The following GLIS1 variants were observed in gnomAD, a reference collection of about 807,000 sequenced individuals.
GLIS1 encodes GLIS family zinc finger 1.
In GLIS1, 24 loss-of-function variants were observed where a neutral mutation model predicts 63.8. The ratio of observed to expected loss-of-function variants is 0.38; its 90% CI spans 0.27 to 0.53. The LOEUF is 0.53. GLIS1 is among the 20% of genes least tolerant of loss of function. The pLI is 0.85. For missense variants in GLIS1, 1,036 were observed against 1,074.1 expected (o/e 0.96, Z 0.50); for synonymous variants, 450 against 482.5 (o/e 0.93, Z 0.88).
chr1:53,614,837 T>C (rs1479378768), intron 2 of GLIS1, among the ~76,000 whole-genome samples: 1 of 146,102 alleles, frequency 6.8e-6, no homozygotes, highest in Non-Finnish European at 1.5e-5. Flanking sequence ...TTCACACACA[T>C]GCACACACAC....
At chr1:53,557,511 G>C (rs1644846069) in intron 4 of GLIS1, among the ~76,000 whole-genome samples, 1 of 152,152 alleles carries the variant, frequency 6.6e-6, no homozygotes, top group South Asian at 2.1e-4. Context: ...AAGCCTCTTG[G>C]AGGTCTGTAG....
At chr1:53,674,759 T>C (rs898003458) in intron 2 of GLIS1, among the ~76,000 whole-genome samples, 12 of 152,306 alleles carry the variant, frequency 7.9e-5, no homozygotes, top group African/African-American at 2.6e-4. Flanking sequence ...CCCCTGGGAT[T>C]GAGCTGAAGT....
At chr1:53,717,113 G>A in intron 2 of GLIS1, among the ~76,000 whole-genome samples, 1 of 152,174 alleles carries the variant, frequency 6.6e-6, no homozygotes, top group East Asian at 1.9e-4. Context: ...TTCTTAACAG[G>A]ATCCGTCCTG....
At chr1:53,716,419 C>T (rs752377242) in intron 2 of GLIS1, among the ~76,000 whole-genome samples, 1 of 152,022 alleles carries the variant, frequency 6.6e-6, no homozygotes, top group Non-Finnish European at 1.5e-5. Flanking sequence ...CTGACATCCT[C>T]GTATGGCCAG....
At chr1:53,715,561 G>A (rs1646689373) in intron 2 of GLIS1, among the ~76,000 whole-genome samples, 1 of 152,210 alleles carries the variant, frequency 6.6e-6, no homozygotes, top group Admixed American at 6.5e-5. Context: ...ACAGAACACA[G>A]AGAGGCAAGG....
chr1:53,734,944 T>C (rs1469532870), intron 2 of GLIS1, among the ~76,000 whole-genome samples: 1 of 152,224 alleles, frequency 6.6e-6, no homozygotes, highest in African/African-American at 2.4e-5. Context: ...ATCATGATTC[T>C]TATTGTAAAT....
intron 2 of GLIS1, 67 bp downstream of exon 2, chr1:53,737,739 G>A (rs1030815451): frequency 4.9e-6 from 6 of 1,223,256 alleles, no homozygotes; most frequent in Admixed American, 4.2e-5. Context: ...CCGAGCACGC[G>A]GTGGCGACGC....
intron 2 of GLIS1, among the ~76,000 whole-genome samples, chr1:53,693,824 G>C (rs116652617): frequency 6.6e-6 from 1 of 152,174 alleles, no homozygotes; most frequent in Non-Finnish European, 1.5e-5. Flanking sequence ...CCTTTTCATC[G>C]ATCGCTGCCT....
intron 2 of GLIS1, among the ~76,000 whole-genome samples, chr1:53,667,968 C>T (rs1197609211): frequency 6.6e-6 from 1 of 152,174 alleles, no homozygotes; most frequent in East Asian, 1.9e-4. Context: ...ATTACCATTG[C>T]CCTCACAGCC....
Position 53,594,521 on chromosome 1 carries a change from C to A in GLIS1, c.907G>T (p.Asp303Tyr). 1 of 1,612,084 alleles carries A rather than the reference C, an allele frequency of 6.2e-7. No homozygotes were observed. The highest frequency in any genetic ancestry group is 1.1e-5 in the South Asian group (1 of 91,056). ...AGTTGCAAGCTGCCCTCATGGCTGTCCGTCGATGCAGGGCCAGGCCGGGCC... is the reference window on the plus strand; with the variant it reads ...AGTTGCAAGCTGCCCTCATGGCTGTACGTCGATGCAGGGCCAGGCCGGGCC... ...KRARPGPAST[D>Y]SHEGSLQLEA... is the part of the protein sequence containing the mutation. The change falls in exon 4 of 11, where the codon GAC (aspartate) becomes TAC (tyrosine). Residue 303 changes from aspartate (D) to tyrosine (Y), a missense_variant. This residue lies in a region of GLIS1 where 592 missense variants were observed against 593.9 expected (regional missense o/e 1.00). Coordinates refer to ENST00000628545, the MANE Select transcript of GLIS1 (RefSeq NM_001367484.1).
intron 4 of GLIS1, among the ~76,000 whole-genome samples, chr1:53,545,227 C>A (rs536680092): frequency 1.5e-4 from 23 of 152,212 alleles, no homozygotes; most frequent in African/African-American, 5.5e-4. Flanking sequence ...AGCATCAACA[C>A]GGCAGTAACA....
At chr1:53,534,389 T>C (rs749443891) in intron 4 of GLIS1, among the ~76,000 whole-genome samples, 1 of 152,014 alleles carries the variant, frequency 6.6e-6, no homozygotes, top group Non-Finnish European at 1.5e-5. Context: ...TCAGGCTCTA[T>C]GGTACATTTG....
intron 2 of GLIS1, among the ~76,000 whole-genome samples, chr1:53,676,758 C>G (rs75574332): frequency 0.011 from 1,707 of 152,314 alleles, 25 homozygotes; most frequent in African/African-American, 0.039. Flanking sequence ...CCACCCTGAC[C>G]TCCAAGAGTG....
chr1:53,633,596 T>G (rs1038278704), intron 2 of GLIS1, among the ~76,000 whole-genome samples: 8 of 152,018 alleles, frequency 5.3e-5, no homozygotes, highest in African/African-American at 1.7e-4. Flanking sequence ...TACCTCCATG[T>G]CTGGAAGAAA....
intron 2 of GLIS1, among the ~76,000 whole-genome samples, chr1:53,721,115 AAAAT>A (rs1239243616): frequency 1.8e-4 from 28 of 152,164 alleles, no homozygotes; most frequent in Admixed American, 1.6e-3. Context: ...AATTTTTTAT[AAAAT>A]AAATAAAAAT....
intron 2 of GLIS1, among the ~76,000 whole-genome samples, chr1:53,701,353 G>A (rs1252436507): frequency 6.6e-6 from 1 of 152,130 alleles, no homozygotes; most frequent in African/African-American, 2.4e-5. Flanking sequence ...GGTTAGGCAG[G>A]GTTCTGAACT....
rs1478082776 is a variant in GLIS1 at position 53,600,255 on chromosome 1, T to G, written c.283A>C (p.Thr95Pro). 8.1e-7 allele frequency: 1 copy of G among 1,231,846 alleles called. No individual in the cohort carries two copies. Among genetic ancestry groups the G allele is most frequent in the Non-Finnish European group, 1.0e-6 (1 of 987,892 alleles). The allele number at this position is 1,231,846 out of a possible 1,614,324, so 76.3% of individuals were successfully genotyped here. A position where few individuals can be genotyped will look rare whatever the true frequency, so the allele number is the denominator to read the frequency against. Residue 95 changes from threonine (T) to proline (P), a missense_variant, in exon 3 of 11, where the codon ACC becomes CCC. This residue lies in a region of GLIS1 where 592 missense variants were observed against 593.9 expected (regional missense o/e 1.00). Coordinates refer to ENST00000628545, the MANE Select transcript of GLIS1 (RefSeq NM_001367484.1). ...GKVNGSYGHR[T>P]PGSEKSLLDL... ...AGCAGGCTCTTCTCTGAGCCCGGGG[T>G]ACGGTGTCCGTAGCTCCCATTCACT... is the stretch of plus-strand genomic sequence containing the variant.
intron 4 of GLIS1, among the ~76,000 whole-genome samples, chr1:53,535,597 C>G (rs977188483): frequency 1.3e-5 from 2 of 151,962 alleles, no homozygotes; most frequent in African/African-American, 4.8e-5. Flanking sequence ...TCTCTGGGCC[C>G]TGCATCCAAC....
chr1:53,524,645 G>A (rs1644445392), intron 6 of GLIS1, 132 bp downstream of exon 6: 8 of 678,076 alleles, frequency 1.2e-5, no homozygotes, highest in Admixed American at 2.4e-5. Context: ...ACGAACGGAC[G>A]AACGGATGGA....
Sources: allele counts gnomAD v4.1 joint callset (sites outside exome capture counted in the v4.1 genomes callset), GRCh38; gene constraint gnomAD v4.1.1; regional missense constraint gnomAD v4.1.1; transcripts MANE v1.5; gene names NCBI Gene and HGNC (gene_info 2026-07-23, HGNC 2026-07-21).